The following ZSCAN2 variants were observed in gnomAD, a reference collection of about 807,000 sequenced individuals.
The protein encoded by ZSCAN2 is zinc finger and SCAN domain-containing protein 2.
Under a neutral mutation model 47.8 loss-of-function variants are expected in ZSCAN2, and 26 were observed. That is an observed-to-expected ratio of 0.54 (90% CI 0.40 to 0.75). The LOEUF (loss-of-function observed/expected upper bound fraction) is 0.75. ZSCAN2 is among the 30% of genes least tolerant of loss of function. ZSCAN2 has a pLI of 0.00. For missense variants in ZSCAN2, 732 were observed against 785.4 expected (o/e 0.93, Z 0.81); for synonymous variants, 305 against 288.7 (o/e 1.06, Z -0.57).
Position 84,623,696 on chromosome 15 carries a change from A to G in ZSCAN2, c.*1656A>G, listed in dbSNP as rs1197902674. ...TAGGATGGATGCTCAGTATTCCTTA[A>G]TAAAGTAGAGTTCCATTCTTTTCCT... On this transcript the variant is annotated 3_prime_UTR_variant, in exon 3 of 3. Transcript: ENST00000546148. The G allele has an allele frequency of 3.6e-5, 6 of 167,042 alleles. No homozygotes were observed. The highest frequency in any genetic ancestry group is 6.6e-5 in the Admixed American group (1 of 15,254). 10.3% of individuals were successfully genotyped at this position (167,042 alleles called of 1,614,324 possible).
intron 2 of ZSCAN2, among the ~76,000 whole-genome samples, chr15:84,610,929 A>C (rs538375030): frequency 1.2e-4 from 19 of 152,378 alleles, no homozygotes; most frequent in African/African-American, 4.1e-4. Flanking sequence ...CAAATTCATA[A>C]GAAAAGTCAA....
intron 2 of ZSCAN2, among the ~76,000 whole-genome samples, chr15:84,604,759 A>C (rs1895327773): frequency 6.7e-6 from 1 of 148,170 alleles, no homozygotes; most frequent in Admixed American, 6.7e-5. Context: ...TTTTTTTGAA[A>C]CGGAGTCTCG....
chr15:84,622,717 A>G lies in ZSCAN2; in HGVS notation c.*677A>G, dbSNP rs1895843120. 1 of 716,954 alleles carries G rather than the reference A, an allele frequency of 1.4e-6. No homozygotes were observed. Among genetic ancestry groups the G allele is most frequent in the African/African-American group, 1.7e-5 (1 of 57,244 alleles). 44.4% of individuals were successfully genotyped at this position (716,954 alleles called of 1,614,324 possible). ...GTGTCCCAGTGTCCTTTCCATTGGTAAGAGTTGGACAGGGCCTTCAGGAAA... is the reference window on the plus strand; with the variant it reads ...GTGTCCCAGTGTCCTTTCCATTGGTGAGAGTTGGACAGGGCCTTCAGGAAA... On this transcript the variant is annotated 3_prime_UTR_variant, in exon 3 of 3. Coordinates refer to ENST00000546148, the MANE Select transcript of ZSCAN2 (RefSeq NM_181877.4).
At chr15:84,606,494 A>G (rs375405532) in intron 2 of ZSCAN2, 89 of 1,548,182 alleles carry the variant, frequency 5.7e-5, no homozygotes, top group Non-Finnish European at 7.4e-5. Context: ...TATTCCTTCT[A>G]TTAAAATAAG....
intron 2 of ZSCAN2, among the ~76,000 whole-genome samples, chr15:84,608,399 G>A (rs1895445208): frequency 6.6e-6 from 1 of 151,966 alleles, no homozygotes; most frequent in South Asian, 2.1e-4. Flanking sequence ...CAGGCATGGT[G>A]GCATGTGCCT....
At chr15:84,614,416 T>G (rs2141784270) in intron 2 of ZSCAN2, 2 of 152,278 alleles carry the variant, frequency 1.3e-5, no homozygotes, top group South Asian at 4.1e-4. Context: ...ACCTTATTTC[T>G]CCCAACCCCA....
chr15:84,621,305 C>A lies in ZSCAN2; in HGVS notation c.1110C>A (p.Ser370Arg). ...ACGAATGTAAAGAATGCGGCGAAAG[C>A]TTTAGTTACAACTCCAATCTAATCA... ...KPYECKECGE[S>R]FSYNSNLIRH... The change falls in exon 3 of 3, where the codon AGC becomes AGA. Residue 370 changes from serine (S) to arginine (R), a missense_variant. By Grantham distance (110) the Ser-to-Arg change is moderately radical (BLOSUM62 -1). This residue lies in a region of ZSCAN2 where 412 missense variants were observed against 498.0 expected (regional missense o/e 0.83). Coordinates refer to ENST00000546148, the MANE Select transcript of ZSCAN2 (RefSeq NM_181877.4). This position sits in a 1 kb window ranked among gnomAD's most constrained non-coding sequence, Gnocchi z 5.7. 6.2e-7 allele frequency: 1 copy of A among 1,614,042 alleles called. No homozygotes were observed. Among genetic ancestry groups the A allele is most frequent in the Non-Finnish European group, 8.5e-7 (1 of 1,180,010 alleles).
rs140481849 is a variant in ZSCAN2 at position 84,601,385 on chromosome 15, G to C, written c.-109+250G>C. Among the ~76,000 whole-genome samples, 60 of 152,258 alleles carry C rather than the reference G, an allele frequency of 3.9e-4. No homozygotes were observed. In the East Asian group the frequency reaches 8.5e-3, roughly 22 times the overall value. ...GAGAAGCGCAGGCTTTGGACGGGAAGGGGCATTCGACGACATCCCGCGCAG... is the reference window on the plus strand; with the variant it reads ...GAGAAGCGCAGGCTTTGGACGGGAACGGGCATTCGACGACATCCCGCGCAG... On this transcript the variant is annotated intron_variant, in intron 1 of 2. Coordinates refer to ENST00000546148, the MANE Select transcript of ZSCAN2 (RefSeq NM_181877.4).
At chr15:84,608,884 C>T (rs2091204432) in intron 2 of ZSCAN2, among the ~76,000 whole-genome samples, 2 of 152,220 alleles carry the variant, frequency 1.3e-5, no homozygotes, top group African/African-American at 4.8e-5. Context: ...CTGTCAGTCT[C>T]ACCAAGCCCC....
In ZSCAN2 at chr15:84,611,291, A is replaced by T. The variant is rs935278411; in HGVS notation, c.406+6958A>T. ...GCAAGACTCCGTCTCCAAAAAAAAA[A>T]TTTTTTTCTTTTTAATTAGCCAGGC... On this transcript the variant is annotated intron_variant, in intron 2 of 2. Transcript: ENST00000546148. 8.4e-4 allele frequency among the ~76,000 whole-genome samples: 127 copies of T among 150,980 alleles called. 1 individual carries two copies. Among genetic ancestry groups the T allele is most frequent in the Non-Finnish European group, 1.5e-3 (100 of 67,728 alleles).
At chr15:84,609,707 G>A (rs1002913031) in intron 2 of ZSCAN2, among the ~76,000 whole-genome samples, 6 of 152,168 alleles carry the variant, frequency 3.9e-5, no homozygotes, top group African/African-American at 7.2e-5. Flanking sequence ...GCTCTAATGG[G>A]GAGAGCCCTA....
intron 2 of ZSCAN2, chr15:84,606,628 T>C (rs1467544854): frequency 1.6e-5 from 25 of 1,610,522 alleles, no homozygotes; most frequent in Admixed American, 8.4e-5. Context: ...GATGGAGGGC[T>C]GAGGAGAGGC....
At chr15:84,610,860 G>A (rs567159859) in intron 2 of ZSCAN2, among the ~76,000 whole-genome samples, 19 of 152,288 alleles carry the variant, frequency 1.2e-4, no homozygotes, top group Middle Eastern at 6.8e-3. Flanking sequence ...GGAAATATTT[G>A]CATCCAAGTC....
intron 2 of ZSCAN2, among the ~76,000 whole-genome samples, chr15:84,620,022 G>C (rs1308350968): frequency 2.0e-5 from 3 of 150,686 alleles, no homozygotes; most frequent in Non-Finnish European, 4.4e-5. Context: ...TGCCATGGTG[G>C]TTTACTGCAC....
rs1000033862 is a variant in ZSCAN2, at chr15:84,622,220, G to C, written c.*180G>C. Reference sequence around the variant, plus strand: ...ATTTTAGTGGTCTGAGTCAAGTCCCGTATACATTCAAGAACAGGGCATAGG... The same window carrying C: ...ATTTTAGTGGTCTGAGTCAAGTCCCCTATACATTCAAGAACAGGGCATAGG... On this transcript the variant is annotated 3_prime_UTR_variant, in exon 3 of 3. Transcript: ENST00000546148. 7 of 639,024 alleles carry C rather than the reference G, an allele frequency of 1.1e-5. No individual in the cohort carries two copies. The highest frequency in any genetic ancestry group is 1.9e-5 in the Non-Finnish European group (7 of 362,238). 39.6% of individuals were successfully genotyped at this position (639,024 alleles called of 1,614,324 possible).
intron 2 of ZSCAN2, among the ~76,000 whole-genome samples, chr15:84,611,297 T>G (rs562174507): frequency 6.6e-6 from 1 of 150,886 alleles, no homozygotes; most frequent in Non-Finnish European, 1.5e-5. Context: ...AAAAATTTTT[T>G]TCTTTTTAAT....
Position 84,621,485 on chromosome 15 carries a change from C to T in ZSCAN2, c.1290C>T (p.Ser430=). 2 of 1,613,996 alleles carry T rather than the reference C, an allele frequency of 1.2e-6. No homozygotes were observed. The highest frequency in any genetic ancestry group is 1.7e-6 in the Non-Finnish European group (2 of 1,179,984). The part of the protein sequence containing the change: ...CSECGKSFSR[S]SNLATHRRTH... ...AGTGTGGGAAAAGCTTCAGCCGCAG[C>T]TCTAACCTGGCCACACACCGGAGAA... Residue 430 remains serine (S), a synonymous_variant, in exon 3 of 3, where the codon AGC becomes AGT. Transcript: ENST00000546148. The surrounding 1 kb of genome is among the most constrained non-coding windows in gnomAD (Gnocchi z 5.7).
intron 2 of ZSCAN2, among the ~76,000 whole-genome samples, chr15:84,613,738 G>A (rs1271880358): frequency 6.6e-6 from 1 of 150,428 alleles, no homozygotes; most frequent in Non-Finnish European, 1.5e-5. Context: ...GCAGTGGCAC[G>A]ATCTCTGCTC....
intron 2 of ZSCAN2, among the ~76,000 whole-genome samples, chr15:84,609,993 G>A (rs564333573): frequency 6.7e-4 from 102 of 152,350 alleles, no homozygotes; most frequent in African/African-American, 2.3e-3. Context: ...GCGAGGACAC[G>A]CAGGGCCCTG....
Sources: gnomAD v4.1 joint callset for allele counts (sites outside exome capture counted in the v4.1 genomes callset) on GRCh38, gnomAD v4.1.1 for gene constraint, gnomAD v4.1.1 regional missense constraint, Gnocchi (gnomAD v3.1) non-coding constraint, MANE v1.5 for transcripts, NCBI Gene and HGNC (gene_info 2026-07-23, HGNC 2026-07-21) for gene names.